The following CNBD2 variants were observed in gnomAD, a reference collection of about 807,000 sequenced individuals.
CNBD2 encodes cyclic nucleotide-binding domain-containing protein 2.
A neutral mutation model predicts 63.7 loss-of-function variants in CNBD2; 64 were observed. That is an observed-to-expected ratio of 1.00 (90% CI 0.82 to 1.24). The LOEUF is 1.24. CNBD2 is among the 50% of genes most tolerant of loss of function. The pLI, the probability that CNBD2 is intolerant of heterozygous loss-of-function variation, is 0.00. For synonymous variants in CNBD2, 229 were observed against 255.4 expected (o/e 0.90, Z 0.99); for missense variants, 691 against 713.5 (o/e 0.97, Z 0.36).
intron 2 of CNBD2, among the ~76,000 whole-genome samples, chr20:35,962,997 G>A (rs1286568323): frequency 6.6e-6 from 1 of 152,082 alleles, no homozygotes; most frequent in Non-Finnish European, 1.5e-5. Context: ...TTTCTTTTTA[G>A]GTGGTGGTAG....
At chr20:36,006,568 C>T (rs2056987861) in intron 8 of CNBD2, among the ~76,000 whole-genome samples, 1 of 152,018 alleles carries the variant, frequency 6.6e-6, no homozygotes, top group Non-Finnish European at 1.5e-5. Context: ...AGTCACATGC[C>T]ACCACACCCT....
chr20:36,013,404 C>T (rs1410476429), intron 10 of CNBD2, among the ~76,000 whole-genome samples: 5 of 151,592 alleles, frequency 3.3e-5, no homozygotes, highest in Non-Finnish European at 7.4e-5. Context: ...GGCAACAGAG[C>T]GAGACTCCAT....
Position 36,011,154 on chromosome 20 carries a change from C to T in CNBD2, c.1166C>T (p.Ser389Leu), listed in dbSNP as rs569045490. 2.3e-5 allele frequency: 37 copies of T among 1,582,018 alleles called. No homozygotes were observed. The highest frequency in any genetic ancestry group is 2.8e-5 in the Non-Finnish European group (33 of 1,163,234). The change falls in exon 10 of 12, where the codon TCG becomes TTG. Residue 389 changes from serine (S) to leucine (L), a missense_variant. Physicochemically the swap from Ser to Leu is moderately radical, Grantham distance 145. Transcript: ENST00000373973. ...GPKIQSRPAQ[S>L]IKCAMINIKP... ...CATTTCAGATCCAGGCCTGCTCAGT[C>T]GATCAAATGTGCCATGATCAATATC...
intron 7 of CNBD2, among the ~76,000 whole-genome samples, chr20:35,990,353 G>A (rs566838474): frequency 4.6e-5 from 7 of 152,204 alleles, no homozygotes; most frequent in Admixed American, 1.3e-4. Context: ...TTATTGCTCC[G>A]GGCGCCGTGG....
intron 1 of CNBD2, 88 bp downstream of exon 1, chr20:35,968,901 G>C (rs1379962427): frequency 2.0e-6 from 2 of 1,007,352 alleles, no homozygotes; most frequent in Non-Finnish European, 3.0e-6. Context: ...TGTAGGAGGG[G>C]TCTTGGATGA....
intron 2 of CNBD2, chr20:35,973,114 G>T: frequency 2.4e-6 from 1 of 418,072 alleles, no homozygotes. Flanking sequence ...AGACAATCAT[G>T]CCTAGTTTTT....
chr20:35,980,612 C>G lies in CNBD2; in HGVS notation c.397C>G (p.Arg133Gly), dbSNP rs146293825. The G allele has an allele frequency of 6.2e-7, 1 of 1,613,216 alleles. No individual in the cohort carries two copies. The highest frequency in any genetic ancestry group is 8.5e-7 in the Non-Finnish European group (1 of 1,179,950). ...PLQLLLAKVM[R>G]FERFGRRRVI... Reference sequence around the variant, plus strand: ...GCAGCTGCTCCTGGCCAAAGTCATGCGCTTTGAACGGTCAGTGAGGGGCAC... The same window carrying G: ...GCAGCTGCTCCTGGCCAAAGTCATGGGCTTTGAACGGTCAGTGAGGGGCAC... Residue 133 changes from arginine (R) to glycine (G), a missense_variant, in exon 4 of 12, where the codon CGC (arginine) becomes GGC (glycine). Transcript: ENST00000373973.
chr20:36,014,478 C>T (rs1031006510), intron 10 of CNBD2, among the ~76,000 whole-genome samples: 2 of 151,286 alleles, frequency 1.3e-5, no homozygotes, highest in African/African-American at 4.9e-5. Flanking sequence ...TACAGGCACA[C>T]GCCGCCATGC....
upstream of CNBD2, chr20:35,954,478 A>T: frequency 1.9e-6 from 3 of 1,546,690 alleles, no homozygotes; most frequent in Middle Eastern, 1.7e-4. Flanking sequence ...CGGCAGCCGG[A>T]AGCGAAAGTC....
intron 11 of CNBD2, among the ~76,000 whole-genome samples, chr20:36,027,891 C>T (rs1477576628): frequency 6.6e-6 from 1 of 152,118 alleles, no homozygotes; most frequent in Non-Finnish European, 1.5e-5. Context: ...GTCTCGAACT[C>T]CCAACCTGAG....
At position 35,968,776 on chromosome 20, in the gene CNBD2, T is replaced by G. The variant is rs531349073; in HGVS notation, c.14T>G (p.Met5Arg). The G allele has an allele frequency of 2.5e-6, 4 of 1,609,186 alleles. No individual in the cohort carries two copies. The highest frequency in any genetic ancestry group is 3.4e-6 in the Non-Finnish European group (4 of 1,178,362). Reference sequence around the variant, plus strand: ...TGCACAGGAACCATGAGGAGACATATGGTAACTTATGCCTGGCAGCTCCTG... The same window carrying G: ...TGCACAGGAACCATGAGGAGACATAGGGTAACTTATGCCTGGCAGCTCCTG... MRRH[M>R]VTYAWQLLKK... is the part of the protein sequence containing the mutation. Residue 5 changes from methionine to arginine, a missense_variant, in exon 1 of 12, where the codon ATG becomes AGG. Transcript: ENST00000373973.
intron 3 of CNBD2, among the ~76,000 whole-genome samples, chr20:35,977,167 G>C (rs558253019): frequency 6.6e-6 from 1 of 152,320 alleles, no homozygotes; most frequent in South Asian, 2.1e-4. Flanking sequence ...GGGCAATTCT[G>C]TGCACCGCAG....
chr20:36,029,780 A>C (rs62213167), intron 11 of CNBD2, among the ~76,000 whole-genome samples: 24,707 of 152,218 alleles, frequency 0.16, 2,686 homozygotes, highest in Non-Finnish European at 0.24. Context: ...GTAAGAGAGT[A>C]CAGGTGAGTT....
intron 10 of CNBD2, among the ~76,000 whole-genome samples, chr20:36,020,839 T>C (rs894151888): frequency 3.9e-5 from 6 of 152,152 alleles, no homozygotes; most frequent in Non-Finnish European, 7.3e-5. Context: ...AACTCTCACA[T>C]GTGCCATCTC....
At chr20:35,964,674 C>T (rs886624809), upstream of CNBD2, among the ~76,000 whole-genome samples, 13 of 151,740 alleles carry the variant, frequency 8.6e-5, no homozygotes, top group African/African-American at 2.9e-4. Context: ...GGATTATAGG[C>T]GTGAGCCACT....
chr20:35,970,884 G>A (rs1171881422), intron 1 of CNBD2, among the ~76,000 whole-genome samples: 2 of 151,070 alleles, frequency 1.3e-5, no homozygotes, highest in Non-Finnish European at 2.9e-5. Context: ...CCTAGCTAAC[G>A]ATGTACTTTT....
At chr20:35,983,140 G>A (rs1406816143) in intron 4 of CNBD2, among the ~76,000 whole-genome samples, 2 of 146,158 alleles carry the variant, frequency 1.4e-5, no homozygotes, top group Non-Finnish European at 3.0e-5. Context: ...TTGAGCCCAG[G>A]AGTTCAAGAC....
At chr20:36,027,661 AG>A (rs1441478875) in intron 11 of CNBD2, among the ~76,000 whole-genome samples, 1 of 152,138 alleles carries the variant, frequency 6.6e-6, no homozygotes, top group African/African-American at 2.4e-5. Flanking sequence ...AACAGATTGA[AG>A]GAAAATCATT....
At chr20:36,019,529 GAAAAAAAAA>G (rs60556168) in intron 10 of CNBD2, among the ~76,000 whole-genome samples, 3 of 71,712 alleles carry the variant, frequency 4.2e-5, no homozygotes, top group Non-Finnish European at 9.3e-5. Flanking sequence ...CTCAAAAAAA[GAAAAAAAAA>G]AAAAAAAAAA....
Sources: allele counts gnomAD v4.1 joint callset (sites outside exome capture counted in the v4.1 genomes callset), GRCh38; gene constraint gnomAD v4.1.1; transcripts MANE v1.5; gene names NCBI Gene and HGNC (gene_info 2026-07-23, HGNC 2026-07-21).